The following P2RX5 variants were observed in gnomAD, a reference collection of about 807,000 sequenced individuals.
P2RX5 encodes the protein purinergic receptor P2X 5.
P2RX5 carries 46 observed loss-of-function variants against 54.1 expected under a neutral mutation model. That is an observed-to-expected ratio of 0.85 (90% confidence interval 0.67 to 1.09). P2RX5 has a LOEUF of 1.09. Among genes scored for constraint, P2RX5 ranks in the 50% least tolerant of loss-of-function variants. P2RX5 has a pLI of 0.00. For missense variants in P2RX5, 566 were observed against 549.8 expected, an observed-to-expected ratio of 1.03 and a Z score of -0.29; for synonymous variants, 226 against 226.4, an observed-to-expected ratio of 1.00 and a Z score of 0.02.
In P2RX5 at chr17:3,673,690, C is replaced by T; in HGVS notation, c.*178G>A. On this transcript the variant is annotated 3_prime_UTR_variant, in exon 12 of 12. Coordinates refer to ENST00000225328, the MANE Select transcript of P2RX5 (RefSeq NM_002561.4). ...CATGATGGGTCCGTCCTGATGACCC[C>T]AGCATCAGACGTGGAGGTCACTTTG... 1 of 1,540,010 alleles carries T rather than the reference C, an allele frequency of 6.5e-7. No individual in the cohort carries two copies. Among genetic ancestry groups the T allele is most frequent in the Non-Finnish European group, 8.7e-7 (1 of 1,144,284 alleles).
intron 1 of P2RX5, among the ~76,000 whole-genome samples, chr17:3,693,744 T>A (rs902075454): frequency 5.3e-5 from 8 of 151,312 alleles, no homozygotes; most frequent in Non-Finnish European, 1.0e-4. Flanking sequence ...ATCTCAAAAA[T>A]AATAATAATA....
chr17:3,711,134 T>A, the P2RX5 span, among the ~76,000 whole-genome samples: 1 of 152,124 alleles, frequency 6.6e-6, no homozygotes, highest in Non-Finnish European at 1.5e-5. Context: ...AAAGGCAGCT[T>A]GTAGAAGAAA....
At position 3,673,757 on chromosome 17, in the gene P2RX5, C is replaced by T. The variant is rs1030125893; in HGVS notation, c.*111G>A. On this transcript the variant is annotated 3_prime_UTR_variant, in exon 12 of 12. Coordinates refer to ENST00000225328, the MANE Select transcript of P2RX5 (RefSeq NM_002561.4). ...CCCTGTGATGTGGCATTGATAGCAC[C>T]CAATGTACAAATTTCCCGTTGGGCA... 2 of 1,610,394 alleles carry T rather than the reference C, an allele frequency of 1.2e-6. No homozygotes were observed. The highest frequency in any genetic ancestry group is 1.7e-6 in the Non-Finnish European group (2 of 1,179,274).
intron 5 of P2RX5, 25 bp downstream of exon 5, chr17:3,690,402 G>A (rs913956782): frequency 1.3e-6 from 2 of 1,570,542 alleles, no homozygotes; most frequent in Non-Finnish European, 1.7e-6. Context: ...AAACCCCTCA[G>A]GGTCCTGAGG....
rs1280429018 is a variant in P2RX5, at chr17:3,676,381, T to C, written c.1260-2504A>G. Reference sequence around the variant, plus strand: ...TTTTCGGCAAAATCAGGGAGCCTCCTGCATTAGTAACACTGGCTGCCTCTG... The same window carrying C: ...TTTTCGGCAAAATCAGGGAGCCTCCCGCATTAGTAACACTGGCTGCCTCTG... On this transcript the variant is annotated intron_variant, in intron 11 of 11. Transcript: ENST00000225328. 3 of 985,312 alleles carry C rather than the reference T, an allele frequency of 3.0e-6. No individual in the cohort carries two copies. In the African/African-American group the frequency reaches 5.2e-5, roughly 17 times the overall value. The allele number at this position is 985,312 out of a possible 1,614,324, so 61.0% of individuals were successfully genotyped here. A position where few individuals can be genotyped will look rare whatever the true frequency, so the allele number is the denominator to read the frequency against.
chr17:3,716,748 G>A, the P2RX5 span: 4 of 1,610,912 alleles, frequency 2.5e-6, no homozygotes, highest in Non-Finnish European at 3.4e-6. Context: ...TGCCTTTAAT[G>A]ATGATAGGCA....
chr17:3,691,132 G>C lies in P2RX5; in HGVS notation c.289-105C>G, dbSNP rs1223645739. ...GGGCGGTCCCTCTGCCTGGGTTTTG[G>C]GGATAATGGGGCCACAAACTTGGTA... On this transcript the variant is annotated intron_variant, in intron 2 of 11. Transcript: ENST00000225328. The C allele has an allele frequency of 4.9e-6, 4 of 812,144 alleles. No individual in the cohort carries two copies. In the Admixed American group the frequency reaches 8.0e-5, roughly 16 times the overall value. 50.3% of individuals were successfully genotyped at this position (812,144 alleles called of 1,614,324 possible). A position where few individuals can be genotyped will look rare whatever the true frequency, so the allele number is the denominator to read the frequency against.
the P2RX5 span, among the ~76,000 whole-genome samples, chr17:3,716,418 C>T: frequency 5.9e-5 from 9 of 152,298 alleles, no homozygotes; most frequent in African/African-American, 1.7e-4. Context: ...GGTAACCGAA[C>T]ATAACAGTAT....
At position 3,673,709 on chromosome 17, in the gene P2RX5, C is replaced by G; in HGVS notation, c.*159G>C. On this transcript the variant is annotated 3_prime_UTR_variant, in exon 12 of 12. Transcript: ENST00000225328. ...TGACCCCAGCATCAGACGTGGAGGT[C>G]ACTTTGCTCTGTGATGGCTGGTCCC... 1 of 1,577,544 alleles carries G rather than the reference C, an allele frequency of 6.3e-7. No individual in the cohort carries two copies. Among genetic ancestry groups the G allele is most frequent in the Non-Finnish European group, 8.6e-7 (1 of 1,162,406 alleles).
chr17:3,708,347 GA>G, the P2RX5 span, among the ~76,000 whole-genome samples: 53 of 151,982 alleles, frequency 3.5e-4, no homozygotes, highest in African/African-American at 1.2e-3. Context: ...TTCAGAGGTA[GA>G]AATGCACCTC....
At chr17:3,694,164 T>C (rs1597275175) in intron 1 of P2RX5, among the ~76,000 whole-genome samples, 1 of 139,718 alleles carries the variant, frequency 7.2e-6, no homozygotes, top group Non-Finnish European at 1.5e-5. Flanking sequence ...CAGAGAGGAA[T>C]GGAGGGCTGA....
the P2RX5 span, among the ~76,000 whole-genome samples, chr17:3,708,490 A>G: frequency 6.6e-6 from 1 of 152,172 alleles, no homozygotes; most frequent in African/African-American, 2.4e-5. Context: ...ATGGAAAAAT[A>G]CATGGCCTTG....
chr17:3,723,407 C>T, the P2RX5 span: 2 of 1,516,896 alleles, frequency 1.3e-6, no homozygotes, highest in Non-Finnish European at 1.8e-6. Context: ...GTCTAGTGAA[C>T]ACAATTCCTT....
chr17:3,716,933 C>G, the P2RX5 span: 3 of 598,690 alleles, frequency 5.0e-6, no homozygotes, highest in Non-Finnish European at 8.9e-6. Context: ...GACAGTAAAG[C>G]AAAAAGCTAG....
chr17:3,716,191 A>G, the P2RX5 span, among the ~76,000 whole-genome samples: 1 of 148,736 alleles, frequency 6.7e-6, no homozygotes, highest in Non-Finnish European at 1.5e-5. Context: ...AAGAAAAAAA[A>G]GCAACACTTA....
Position 3,690,508 on chromosome 17 carries a change from C to A in P2RX5, c.452G>T (p.Arg151Leu). The A allele has an allele frequency of 6.2e-7, 1 of 1,613,464 alleles. No individual in the cohort carries two copies. The highest frequency in any genetic ancestry group is 8.5e-7 in the Non-Finnish European group (1 of 1,179,866). Reference protein sequence around the residue: ...VTAGNGVKTGRCLRRENLARG... With the variant: ...VTAGNGVKTGLCLRRENLARG... ...GGCCAAGTTCTCTCTCCGCAGGCAG[C>A]GGCCGGTCTTCACTCCTGCAGGGGT... The change falls in exon 5 of 12, where the codon CGC (arginine) becomes CTC (leucine). Residue 151 changes from arginine (R) to leucine (L), a missense_variant. Transcript: ENST00000225328.
chr17:3,710,175 C>A, the P2RX5 span, among the ~76,000 whole-genome samples: 4 of 151,942 alleles, frequency 2.6e-5, no homozygotes, highest in African/African-American at 9.7e-5. Context: ...GCCTGGAATC[C>A]CAGCACTTTG....
At chr17:3,683,190 T>A (rs1264039942) in intron 9 of P2RX5, among the ~76,000 whole-genome samples, 1 of 151,940 alleles carries the variant, frequency 6.6e-6, no homozygotes, top group South Asian at 2.1e-4. Flanking sequence ...CAGGGCAGGG[T>A]TGGGGCCTGA....
the P2RX5 span, among the ~76,000 whole-genome samples, chr17:3,716,220 G>A: frequency 3.8e-5 from 4 of 105,874 alleles, no homozygotes; most frequent in African/African-American, 8.5e-5. Flanking sequence ...GACGGGTAGC[G>A]GACAGAGAGG....
Sources: allele counts gnomAD v4.1 joint callset (sites outside exome capture counted in the v4.1 genomes callset), GRCh38; gene constraint gnomAD v4.1.1; transcripts MANE v1.5; gene names NCBI Gene and HGNC (gene_info 2026-07-23, HGNC 2026-07-21).